Variants in FAT1 observed in about 807,000 individuals in gnomAD.
The protein encoded by FAT1 is FAT atypical cadherin 1.
Under a neutral mutation model 329.8 loss-of-function variants are expected in FAT1, and 171 were observed. That is an observed-to-expected ratio of 0.52 (90% confidence interval 0.46 to 0.59). The LOEUF (loss-of-function observed/expected upper bound fraction) is 0.59, where lower values mean the gene tolerates loss of function less well. Among genes scored for constraint, FAT1 ranks in the 20% least tolerant of loss-of-function variants. The pLI, the probability that FAT1 is intolerant of heterozygous loss-of-function variation, is 0.00. For missense variants in FAT1, 5,672 were observed against 5,774.4 expected (o/e 0.98, Z 0.57); for synonymous variants, 2,233 against 2,228.6 (o/e 1.00, Z -0.06).
At chr4:186,711,884 C>T (rs1172886390) in intron 1 of FAT1, among the ~76,000 whole-genome samples, 3 of 152,182 alleles carry the variant, frequency 2.0e-5, no homozygotes, top group African/African-American at 7.2e-5. Flanking sequence ...CGCGCCACTG[C>T]ACTCCAGCCT....
rs184596562 is a variant in FAT1, at chr4:186,697,432, T to G, written c.3265+9131A>C. Among the ~76,000 whole-genome samples the G allele has an allele frequency of 8.5e-3, 1,290 of 152,316 alleles. 22 individuals carry two copies. The highest frequency in any genetic ancestry group is 0.03 in the African/African-American group (1,256 of 41,570). On this transcript the variant is annotated intron_variant, in intron 2 of 26. Coordinates refer to ENST00000441802, the MANE Select transcript of FAT1 (RefSeq NM_005245.4). ...ACCGATCCCCATGCTCTCCGAGGGA[T>G]GATGCACACTGTTCATTATATCTGT... is the stretch of plus-strand genomic sequence containing the variant.
Position 186,707,686 on chromosome 4 carries a change from C to T in FAT1, c.2142G>A (p.Pro714=), listed in dbSNP as rs758056252. The T allele has an allele frequency of 4.0e-5, 65 of 1,613,724 alleles. No individual in the cohort carries two copies. The highest frequency in any genetic ancestry group is 4.8e-5 in the Non-Finnish European group (57 of 1,179,862). ...CAGTCGGAAGAGTGCTTCTAAACTG[C>T]GGTATGTGAGCATTGACAGAGTGAG... The part of the protein sequence containing the change: ...FDSHSVNAHI[P]QFRSTLPTGI... The change falls in exon 2 of 27, where the codon CCG becomes CCA. Residue 714 remains proline, a synonymous_variant. Transcript: ENST00000441802.
At chr4:186,689,802 T>G (rs1743664084) in intron 2 of FAT1, among the ~76,000 whole-genome samples, 2 of 152,150 alleles carry the variant, frequency 1.3e-5, no homozygotes, top group South Asian at 4.1e-4. Context: ...ACGACTCGAC[T>G]CCGCACACCA....
intron 2 of FAT1, among the ~76,000 whole-genome samples, chr4:186,681,660 G>A (rs1260753051): frequency 6.6e-6 from 1 of 152,194 alleles, no homozygotes; most frequent in Non-Finnish European, 1.5e-5. Flanking sequence ...ACACATCGAT[G>A]AGTTATTTCA....
intron 2 of FAT1, among the ~76,000 whole-genome samples, chr4:186,683,391 G>A (rs1046978010): frequency 1.3e-4 from 20 of 152,020 alleles, no homozygotes; most frequent in African/African-American, 3.9e-4. Flanking sequence ...GCACAGCACC[G>A]TCTACCTTGC....
intron 1 of FAT1, among the ~76,000 whole-genome samples, chr4:186,718,450 T>C (rs949191427): frequency 6.6e-6 from 1 of 152,068 alleles, no homozygotes; most frequent in African/African-American, 2.4e-5. Flanking sequence ...GGGCAGATCA[T>C]GAGGTCAAGA....
Position 186,621,684 on chromosome 4 carries a change from A to G in FAT1, c.4902T>C (p.Asp1634=), listed in dbSNP as rs1164379760. ...ELDRSNQAEY[D]LMVKATDKGS... ...CCTTATCTGTAGCTTTTACCATTAAATCATACTCCGCTTGGTTACTTCGAT... is the reference window on the plus strand; with the variant it reads ...CCTTATCTGTAGCTTTTACCATTAAGTCATACTCCGCTTGGTTACTTCGAT... The change falls in exon 10 of 27, where the codon GAT becomes GAC. Residue 1634 remains aspartate, a synonymous_variant. Coordinates refer to ENST00000441802, the MANE Select transcript of FAT1 (RefSeq NM_005245.4). 2.5e-6 allele frequency: 4 copies of G among 1,613,848 alleles called. No individual in the cohort carries two copies. In the African/African-American group the frequency reaches 4.0e-5, roughly 16 times the overall value.
chr4:186,660,985 G>C (rs1333155707), intron 3 of FAT1, among the ~76,000 whole-genome samples: 1 of 152,096 alleles, frequency 6.6e-6, no homozygotes, highest in East Asian at 1.9e-4. Flanking sequence ...TCTTCACAGA[G>C]GACTTACTCT....
rs940989078 is a variant in FAT1, at chr4:186,620,960, G to A, written c.5626C>T (p.Pro1876Ser). Residue 1876 changes from proline (P) to serine (S), a missense_variant, in exon 10 of 27, where the codon CCC becomes TCC. Pro to Ser is a moderately conservative substitution (Grantham distance 74, BLOSUM62 -1). This residue lies in a region of FAT1 where 3,966 missense variants were observed against 3,915.2 expected (regional missense o/e 1.01). Transcript: ENST00000441802. ...TATAATGGCTTGGCAAACACAGGGG[G>A]GCAGTCATTAATGTCAATTACATGT... ...TVHVIDINDC[P>S]PVFAKPLYEA... 3 of 1,613,742 alleles carry A rather than the reference G, an allele frequency of 1.9e-6. No homozygotes were observed. The highest frequency in any genetic ancestry group is 2.5e-6 in the Non-Finnish European group (3 of 1,179,882).
intron 3 of FAT1, 64 bp downstream of exon 3, chr4:186,663,235 T>A (rs1272639082): frequency 8.1e-7 from 1 of 1,228,426 alleles, no homozygotes; most frequent in East Asian, 2.5e-5. Context: ...ATGCTAATTC[T>A]TACTTTTCCC....
chr4:186,643,303 C>G (rs1741187621), intron 3 of FAT1, among the ~76,000 whole-genome samples: 1 of 152,252 alleles, frequency 6.6e-6, no homozygotes, highest in Non-Finnish European at 1.5e-5. Flanking sequence ...TGCAAGAAAC[C>G]CTGCAGGGTG....
intron 2 of FAT1, among the ~76,000 whole-genome samples, chr4:186,683,159 T>C (rs1428748187): frequency 6.6e-6 from 1 of 152,222 alleles, no homozygotes; most frequent in African/African-American, 2.4e-5. Context: ...CTCTTCGTTC[T>C]TGTCATTCAG....
At chr4:186,605,123 G>A (rs1227008856) in intron 17 of FAT1, among the ~76,000 whole-genome samples, 2 of 151,294 alleles carry the variant, frequency 1.3e-5, no homozygotes, top group East Asian at 3.9e-4. Flanking sequence ...GGCTGAGGCA[G>A]GAGAACTGTT....
At chr4:186,642,017 A>AC (rs1741122391) in intron 3 of FAT1, among the ~76,000 whole-genome samples, 1 of 151,632 alleles carries the variant, frequency 6.6e-6, no homozygotes. Context: ...AAAAAAAAAA[A>AC]CAAAATCCAC....
At chr4:186,592,793 CAGTT>C (rs1319058566) in intron 26 of FAT1, 5 of 456,186 alleles carry the variant, frequency 1.1e-5, no homozygotes, top group African/African-American at 6.0e-5. Context: ...GGAACATCTT[CAGTT>C]AGTTAGAAAA....
upstream of FAT1, among the ~76,000 whole-genome samples, chr4:186,724,058 G>A (rs1354978812): frequency 6.6e-6 from 1 of 151,754 alleles, no homozygotes; most frequent in African/African-American, 2.4e-5. This position sits in a 1 kb window ranked among gnomAD's most constrained non-coding sequence, Gnocchi z 5.3. Flanking sequence ...CGCCCAGCGG[G>A]GTCTAGCGCG....
At chr4:186,677,287 G>A (rs918992877) in intron 2 of FAT1, among the ~76,000 whole-genome samples, 6 of 152,182 alleles carry the variant, frequency 3.9e-5, no homozygotes, top group African/African-American at 1.4e-4. Context: ...TAATCAGGAA[G>A]TGATTCACGG....
At chr4:186,645,964 T>A (rs151303393) in intron 3 of FAT1, among the ~76,000 whole-genome samples, 1,315 of 22,536 alleles carry the variant, frequency 0.058, 40 homozygotes, top group Non-Finnish European at 0.083. Context: ...AAAAAAAAAA[T>A]ATATACACAC....
rs2126354339 is a variant in FAT1, at chr4:186,589,015, T to C, written c.13344A>G (p.Leu4448=). The part of the protein sequence containing the change: ...PPEDFPAADE[L]PPLPPEFSNQ... The stretch of plus-strand genomic sequence containing the variant: ...TGCTGAATTCGGGCGGTAACGGTGG[T>C]AGCTCATCAGCTGCGGGGAAGTCTT... Residue 4448 remains leucine, a synonymous_variant, in exon 27 of 27, where the codon CTA becomes CTG. Transcript: ENST00000441802. 6.2e-7 allele frequency: 1 copy of C among 1,613,970 alleles called. No homozygotes were observed. The highest frequency in any genetic ancestry group is 8.5e-7 in the Non-Finnish European group (1 of 1,179,878).
Sources: allele counts gnomAD v4.1 joint callset (sites outside exome capture counted in the v4.1 genomes callset), GRCh38; gene constraint gnomAD v4.1.1; regional missense constraint gnomAD v4.1.1; non-coding constraint Gnocchi (gnomAD v3.1); transcripts MANE v1.5; gene names NCBI Gene and HGNC (gene_info 2026-07-23, HGNC 2026-07-21).